Variants in ERBB4 observed in about 807,000 individuals in gnomAD.
ERBB4 encodes erb-b2 receptor tyrosine kinase 4, also known as receptor tyrosine-protein kinase erbB-4.
In ERBB4, 42 loss-of-function variants were observed where a neutral mutation model predicts 158.0. The ratio of observed to expected loss-of-function variants is 0.27; its 90% CI spans 0.21 to 0.34. ERBB4 has a LOEUF of 0.34. Ranked by LOEUF, ERBB4 falls within the 10% of genes least tolerant of loss-of-function variation. The pLI, the probability that ERBB4 is intolerant of heterozygous loss-of-function variation, is 1.00. For synonymous variants in ERBB4, 583 were observed against 558.7 expected (o/e 1.04, Z -0.61); for missense variants, 1,333 against 1,624.1 (o/e 0.82, Z 3.08).
intron 3 of ERBB4, among the ~76,000 whole-genome samples, chr2:211,924,689 A>T (rs2079968085): frequency 6.6e-6 from 1 of 152,188 alleles, no homozygotes; most frequent in Non-Finnish European, 1.5e-5. Flanking sequence ...GCAGCCAGGG[A>T]TGTGAGCAGA....
chr2:212,049,436 A>C (rs1395424456), intron 2 of ERBB4, among the ~76,000 whole-genome samples: 1 of 152,068 alleles, frequency 6.6e-6, no homozygotes, highest in Non-Finnish European at 1.5e-5. Flanking sequence ...CTTGTAGCCA[A>C]TTATATATCG....
chr2:211,403,926 A>AT (rs1285461643), intron 25 of ERBB4, among the ~76,000 whole-genome samples: 12 of 152,114 alleles, frequency 7.9e-5, no homozygotes, highest in Admixed American at 7.9e-4. Flanking sequence ...TTTGCCTAAC[A>AT]TGAGGAAAGA....
At chr2:212,336,769 ACTGAGATT>A (rs1262435355) in intron 1 of ERBB4, among the ~76,000 whole-genome samples, 1 of 152,084 alleles carries the variant, frequency 6.6e-6, no homozygotes, top group East Asian at 1.9e-4. Flanking sequence ...TTCACTTTGC[ACTGAGATT>A]AGGCTTCCCA....
At chr2:212,130,062 A>AT (rs1169125193) in intron 1 of ERBB4, among the ~76,000 whole-genome samples, 1 of 152,106 alleles carries the variant, frequency 6.6e-6, no homozygotes, top group Admixed American at 6.5e-5. Flanking sequence ...AATGTATACA[A>AT]GACAACGCTT....
At chr2:212,370,821 A>G (rs903709159) in intron 1 of ERBB4, among the ~76,000 whole-genome samples, 9 of 152,158 alleles carry the variant, frequency 5.9e-5, no homozygotes, top group Non-Finnish European at 1.2e-4. Flanking sequence ...GCAATAAATG[A>G]TAACTCTTTA....
chr2:211,788,299 T>C (rs1172711161), intron 3 of ERBB4, 140 bp from the exon 4 acceptor site: 2 of 662,266 alleles, frequency 3.0e-6, no homozygotes, highest in Non-Finnish European at 5.3e-6. Context: ...TCTTTTAAAA[T>C]ATCTTTCAAT....
intron 1 of ERBB4, among the ~76,000 whole-genome samples, chr2:212,367,064 G>A (rs1480423568): frequency 1.3e-5 from 2 of 151,862 alleles, no homozygotes; most frequent in African/African-American, 4.8e-5. Flanking sequence ...CTTATAAAAA[G>A]TAGAGACACT....
At chr2:211,515,707 A>C (rs2066004253) in intron 20 of ERBB4, among the ~76,000 whole-genome samples, 1 of 150,636 alleles carries the variant, frequency 6.6e-6, no homozygotes, top group African/African-American at 2.4e-5. Flanking sequence ...GGCAAAGAAC[A>C]ATCAGATAGA....
intron 3 of ERBB4, among the ~76,000 whole-genome samples, chr2:211,815,985 T>C (rs1234441161): frequency 6.6e-6 from 1 of 152,052 alleles, no homozygotes; most frequent in East Asian, 1.9e-4. Context: ...TCCTTTAGCC[T>C]CAGGCTAAGG....
intron 3 of ERBB4, among the ~76,000 whole-genome samples, chr2:211,889,296 C>T (rs1289888866): frequency 6.2e-5 from 9 of 144,502 alleles, no homozygotes; most frequent in Non-Finnish European, 1.4e-4. Context: ...CACACTGACA[C>T]CTCACACGGC....
intron 4 of ERBB4, among the ~76,000 whole-genome samples, chr2:211,784,428 A>T (rs2076108413): frequency 6.6e-6 from 1 of 152,084 alleles, no homozygotes; most frequent in South Asian, 2.1e-4. Flanking sequence ...ATGTGACCAG[A>T]TCTCCTTCCT....
chr2:212,337,619 C>A (rs2088506571), intron 1 of ERBB4, among the ~76,000 whole-genome samples: 2 of 152,032 alleles, frequency 1.3e-5, no homozygotes, highest in African/African-American at 4.8e-5. Flanking sequence ...TTCTGTATGT[C>A]TGGAGTAAAG....
Position 211,458,573 on chromosome 2 carries a change from A to G in ERBB4, c.2488-27473T>C, listed in dbSNP as rs1163716259. Among the ~76,000 whole-genome samples the G allele has an allele frequency of 3.3e-5, 5 of 152,188 alleles. No homozygotes were observed. In the East Asian group the frequency reaches 9.6e-4, roughly 29 times the overall value. ...ATCCACCACGCCTGGCCAACACTAAATAAACTCTTATACCTTTCTCCCTTC... is the reference window on the plus strand; with the variant it reads ...ATCCACCACGCCTGGCCAACACTAAGTAAACTCTTATACCTTTCTCCCTTC... On this transcript the variant is annotated intron_variant, in intron 20 of 27. Coordinates refer to ENST00000342788, the MANE Select transcript of ERBB4 (RefSeq NM_005235.3).
At chr2:211,419,075 T>C (rs1172726104) in intron 25 of ERBB4, among the ~76,000 whole-genome samples, 14 of 152,086 alleles carry the variant, frequency 9.2e-5, no homozygotes, top group Admixed American at 9.2e-4. Flanking sequence ...CTGGGAAATT[T>C]CCCAAACAAG....
At chr2:212,026,315 G>A (rs1255752269) in intron 2 of ERBB4, among the ~76,000 whole-genome samples, 1 of 151,624 alleles carries the variant, frequency 6.6e-6, no homozygotes, top group African/African-American at 2.4e-5. Context: ...TCCTAATAGT[G>A]AAGTTTAAAT....
intron 23 of ERBB4, 145 bp downstream of exon 23, chr2:211,424,010 A>G: frequency 1.3e-6 from 1 of 783,178 alleles, no homozygotes; most frequent in Non-Finnish European, 2.2e-6. Context: ...AATAGTCACA[A>G]CAAAGAGGCG....
chr2:211,688,727 CT>C (rs1399130519), intron 12 of ERBB4, among the ~76,000 whole-genome samples: 1 of 152,128 alleles, frequency 6.6e-6, no homozygotes, highest in Non-Finnish European at 1.5e-5. Flanking sequence ...TCCAAAAAAG[CT>C]GCTAAGCACC....
chr2:211,722,800 T>C (rs1220295360), intron 6 of ERBB4, among the ~76,000 whole-genome samples: 1 of 152,244 alleles, frequency 6.6e-6, no homozygotes, highest in Non-Finnish European at 1.5e-5. Flanking sequence ...TAAAGTTAGC[T>C]AATAGTGAAA....
chr2:212,335,748 C>T (rs549296492), intron 1 of ERBB4, among the ~76,000 whole-genome samples: 37 of 152,052 alleles, frequency 2.4e-4, no homozygotes, highest in South Asian at 1.0e-3. Flanking sequence ...ATGAAATTCA[C>T]GAGTGGAAGG....
Sources: allele counts gnomAD v4.1 joint callset (sites outside exome capture counted in the v4.1 genomes callset), GRCh38; gene constraint gnomAD v4.1.1; transcripts MANE v1.5; gene names NCBI Gene and HGNC (gene_info 2026-07-23, HGNC 2026-07-21).